The following KIRREL3 variants were observed in gnomAD, a reference collection of about 807,000 sequenced individuals.
KIRREL3 encodes kin of IRRE-like protein 3.
In KIRREL3, 36 loss-of-function variants were observed where a neutral mutation model predicts 89.7. The observed-to-expected ratio is 0.40, with a 90% CI of 0.31 to 0.53. KIRREL3 has a LOEUF of 0.53. KIRREL3 is among the 20% of genes least tolerant of loss of function. The probability of loss-of-function intolerance (pLI) is 0.49; values close to 1 mark genes in which losing one functional copy is unlikely to be tolerated. For missense variants in KIRREL3, 864 were observed against 1,056.6 expected, an observed-to-expected ratio of 0.82 and a Z score of 2.53; for synonymous variants, 445 against 441.4, an observed-to-expected ratio of 1.01 and a Z score of -0.10.
rs991435981 is a variant in KIRREL3 at position 126,484,246 on chromosome 11, C to A, written c.434-10780G>T. Among the ~76,000 whole-genome samples, 2 of 152,152 alleles carry A rather than the reference C, an allele frequency of 1.3e-5. No homozygotes were observed. Among genetic ancestry groups the A allele is most frequent in the Non-Finnish European group, 2.9e-5 (2 of 68,034 alleles). On this transcript the variant is annotated intron_variant, in intron 4 of 16. Transcript: ENST00000525144. This position sits in a 1 kb window ranked among gnomAD's most constrained non-coding sequence, Gnocchi z 5.2. ...TTGACTTGTGGACCTGTTTCAGGTTCCCTACAGTTGCAGGGTAGGAGTCCT... is the reference window on the plus strand; with the variant it reads ...TTGACTTGTGGACCTGTTTCAGGTTACCTACAGTTGCAGGGTAGGAGTCCT...
rs1957667503 is a variant in KIRREL3, at chr11:126,496,763, G to A, written c.434-23297C>T. ...GCGTGCGAACTCAAGGCCTGAGGCT[G>A]TAGGCAGGGAGTCAGGGCTGGGGAA... is the stretch of plus-strand genomic sequence containing the variant. On this transcript the variant is annotated intron_variant, in intron 4 of 16. Transcript: ENST00000525144. The surrounding 1 kb of genome is among the most constrained non-coding windows in gnomAD (Gnocchi z 4.9). 6.6e-6 allele frequency among the ~76,000 whole-genome samples: 1 copy of A among 152,162 alleles called. No individual in the cohort carries two copies. The highest frequency in any genetic ancestry group is 6.5e-5 in the Admixed American group (1 of 15,272).
Position 126,625,817 on chromosome 11 carries a change from C to T in KIRREL3, c.56-62905G>A, listed in dbSNP as rs532458898. On this transcript the variant is annotated intron_variant, in intron 1 of 16. Transcript: ENST00000525144. ...ATCCCATCCCAGGAAACCATCCCCA[C>T]GTCTCCAGGGTAGAGTTATGAGTGG... is the stretch of plus-strand genomic sequence containing the variant. 1.8e-4 allele frequency among the ~76,000 whole-genome samples: 27 copies of T among 152,352 alleles called. 1 individual carries two copies. The South Asian group carries it at 5.2e-3, about 29-fold the overall frequency.
rs1055182662 is a variant in KIRREL3, at chr11:126,423,720, C to A, written c.*860G>T. The A allele has an allele frequency of 4.6e-5, 7 of 152,276 alleles. No individual in the cohort carries two copies. The highest frequency in any genetic ancestry group is 1.7e-4 in the African/African-American group (7 of 41,552). The allele number at this position is 152,276 out of a possible 1,614,324, so 9.4% of individuals were successfully genotyped here. A position where few individuals can be genotyped will look rare whatever the true frequency, so the allele number is the denominator to read the frequency against. ...CCATAAGTGTTCAGAGAACCCTGAC[C>A]AGAGAAGCTCCCGCACTTCTTATAT... is the stretch of plus-strand genomic sequence containing the variant. On this transcript the variant is annotated 3_prime_UTR_variant, in exon 17 of 17. Coordinates refer to ENST00000525144, the MANE Select transcript of KIRREL3 (RefSeq NM_032531.4).
At chr11:126,552,965 C>T (rs2134543982) in intron 2 of KIRREL3, among the ~76,000 whole-genome samples, 1 of 152,258 alleles carries the variant, frequency 6.6e-6, no homozygotes, top group Non-Finnish European at 1.5e-5. Flanking sequence ...TATCTAGCAT[C>T]CTTCCCACAT....
At chr11:126,588,027 T>C (rs916856592) in intron 1 of KIRREL3, among the ~76,000 whole-genome samples, 15 of 152,104 alleles carry the variant, frequency 9.9e-5, no homozygotes, top group East Asian at 3.9e-4. Context: ...ATGAGGTAGA[T>C]TGGGGACAAG....
rs372820724 is a variant in KIRREL3, at chr11:126,677,311, A to T, written c.56-114399T>A. Among the ~76,000 whole-genome samples, 43 of 152,256 alleles carry T rather than the reference A, an allele frequency of 2.8e-4. 1 individual carries two copies. In the East Asian group the frequency reaches 7.5e-3, roughly 27 times the overall value. ...ATGGATTAATGAGGAGAGGCTATAGATTCCCCTATTCTGGACATTTCGTAT... is the reference window on the plus strand; with the variant it reads ...ATGGATTAATGAGGAGAGGCTATAGTTTCCCCTATTCTGGACATTTCGTAT... On this transcript the variant is annotated intron_variant, in intron 1 of 16. Transcript: ENST00000525144. This position sits in a 1 kb window ranked among gnomAD's most constrained non-coding sequence, Gnocchi z 5.1.
At chr11:126,785,847 C>A (rs1442918806) in intron 1 of KIRREL3, among the ~76,000 whole-genome samples, 2 of 133,742 alleles carry the variant, frequency 1.5e-5, no homozygotes, top group Non-Finnish European at 3.0e-5. Flanking sequence ...GCACTCCAGC[C>A]TGGTGACACA....
chr11:126,926,747 C>T (rs948116), intron 1 of KIRREL3, among the ~76,000 whole-genome samples: 1 of 152,162 alleles, frequency 6.6e-6, no homozygotes, highest in Non-Finnish European at 1.5e-5. Flanking sequence ...AGCATGGAAA[C>T]CTCTGACGTT....
rs190227063 is a variant in KIRREL3 at position 126,623,049 on chromosome 11, A to G, written c.56-60137T>C. Among the ~76,000 whole-genome samples, 4 of 152,304 alleles carry G rather than the reference A, an allele frequency of 2.6e-5. No homozygotes were observed. Among genetic ancestry groups the G allele is most frequent in the Non-Finnish European group, 5.9e-5 (4 of 68,024 alleles). ...CTAGACTCTTAATTACACTAATATG[A>G]TATTTACAATTTACAAAGCGTTATC... On this transcript the variant is annotated intron_variant, in intron 1 of 16. Coordinates refer to ENST00000525144, the MANE Select transcript of KIRREL3 (RefSeq NM_032531.4). The surrounding 1 kb of genome is among the most constrained non-coding windows in gnomAD (Gnocchi z 4.1).
rs1342065706 is a variant in KIRREL3 at position 126,744,286 on chromosome 11, A to G, written c.56-181374T>C. Among the ~76,000 whole-genome samples, 1 of 152,008 alleles carries G rather than the reference A, an allele frequency of 6.6e-6. No homozygotes were observed. The highest frequency in any genetic ancestry group is 2.4e-5 in the African/African-American group (1 of 41,378). On this transcript the variant is annotated intron_variant, in intron 1 of 16. Coordinates refer to ENST00000525144, the MANE Select transcript of KIRREL3 (RefSeq NM_032531.4). The surrounding 1 kb of genome is among the most constrained non-coding windows in gnomAD (Gnocchi z 4.7). ...AAAGCCTTTGATAAGCATTTGTTGA[A>G]TCAATGACTGAGATGTTGAGCAGGG... is the stretch of plus-strand genomic sequence containing the variant.
chr11:126,781,541 C>A (rs1047600048), intron 1 of KIRREL3, among the ~76,000 whole-genome samples: 1 of 152,170 alleles, frequency 6.6e-6, no homozygotes, highest in Non-Finnish European at 1.5e-5. Context: ...TTATCTGTGT[C>A]ATTAGAAAAT....
At position 126,579,470 on chromosome 11, in the gene KIRREL3, C is replaced by G. The variant is rs985061995; in HGVS notation, c.56-16558G>C. On this transcript the variant is annotated intron_variant, in intron 1 of 16. Transcript: ENST00000525144. This position sits in a 1 kb window ranked among gnomAD's most constrained non-coding sequence, Gnocchi z 5.3. ...TTTCTCTGCAGAGTGCTCAGTGTCC[C>G]CAGGAACCACTCTCTAATTTAACGA... is the stretch of plus-strand genomic sequence containing the variant. Among the ~76,000 whole-genome samples the G allele has an allele frequency of 3.3e-5, 5 of 152,132 alleles. No individual in the cohort carries two copies. Among genetic ancestry groups the G allele is most frequent in the African/African-American group, 1.2e-4 (5 of 41,424 alleles).
rs565614830 is a variant in KIRREL3, at chr11:126,553,847, T to C, written c.133+8988A>G. Among the ~76,000 whole-genome samples, 2 of 152,294 alleles carry C rather than the reference T, an allele frequency of 1.3e-5. No homozygotes were observed. Among genetic ancestry groups the C allele is most frequent in the Admixed American group, 6.5e-5 (1 of 15,298 alleles). On this transcript the variant is annotated intron_variant, in intron 2 of 16. Transcript: ENST00000525144. This position sits in a 1 kb window ranked among gnomAD's most constrained non-coding sequence, Gnocchi z 4.7. Reference sequence around the variant, plus strand: ...AGGCCTCTACCATTGTTCATTTTTTTCCATCACTATTAGGAAAACAGCATG... The same window carrying C: ...AGGCCTCTACCATTGTTCATTTTTTCCCATCACTATTAGGAAAACAGCATG...
chr11:126,528,925 C>A lies in KIRREL3; in HGVS notation c.134-2238G>T, dbSNP rs1413058662. Among the ~76,000 whole-genome samples the A allele has an allele frequency of 6.6e-6, 1 of 152,080 alleles. No individual in the cohort carries two copies. The highest frequency in any genetic ancestry group is 1.5e-5 in the Non-Finnish European group (1 of 68,022). On this transcript the variant is annotated intron_variant, in intron 2 of 16. Transcript: ENST00000525144. The surrounding 1 kb of genome is among the most constrained non-coding windows in gnomAD (Gnocchi z 4.6). ...CTCTAATGATGATTTCACAGCTCATCCTTTTATCTCAAAATCTTTCTTACA... is the reference window on the plus strand; with the variant it reads ...CTCTAATGATGATTTCACAGCTCATACTTTTATCTCAAAATCTTTCTTACA...
chr11:126,563,452 G>T lies in KIRREL3; in HGVS notation c.56-540C>A, dbSNP rs1940279105. 6.6e-6 allele frequency among the ~76,000 whole-genome samples: 1 copy of T among 152,184 alleles called. No homozygotes were observed. The highest frequency in any genetic ancestry group is 1.5e-5 in the Non-Finnish European group (1 of 68,034). ...TTTAGGGCAGCGGGGCGACACAGAG[G>T]TTAAGGTATAGGCAGAAGAGCTCTC... On this transcript the variant is annotated intron_variant, in intron 1 of 16. Coordinates refer to ENST00000525144, the MANE Select transcript of KIRREL3 (RefSeq NM_032531.4). The surrounding 1 kb of genome is among the most constrained non-coding windows in gnomAD (Gnocchi z 6.8).
intron 1 of KIRREL3, among the ~76,000 whole-genome samples, chr11:126,882,220 G>C (rs888983723): frequency 6.6e-6 from 1 of 152,164 alleles, no homozygotes. Flanking sequence ...CCAACCACTT[G>C]TTAAAGTGTA....
intron 1 of KIRREL3, among the ~76,000 whole-genome samples, chr11:126,799,557 G>A (rs1950965953): frequency 5.2e-5 from 1 of 19,336 alleles, no homozygotes; most frequent in Non-Finnish European, 1.2e-4. Flanking sequence ...TAAGAGCTTG[G>A]GGAAAGAAGG....
rs1939174961 is a variant in KIRREL3 at position 126,550,550 on chromosome 11, A to C, written c.133+12285T>G. On this transcript the variant is annotated intron_variant, in intron 2 of 16. Coordinates refer to ENST00000525144, the MANE Select transcript of KIRREL3 (RefSeq NM_032531.4). The surrounding 1 kb of genome is among the most constrained non-coding windows in gnomAD (Gnocchi z 4.9). ...GTAATCCCAGCTACTCAGGAGGCTG[A>C]GGCAGGAGAATCGCTTGAACGCGGG... 1 of 152,274 alleles carries C rather than the reference A, an allele frequency of 6.6e-6. No individual in the cohort carries two copies. The highest frequency in any genetic ancestry group is 6.5e-5 in the Admixed American group (1 of 15,282). The allele number at this position is 152,274 out of a possible 1,614,324, so 9.4% of individuals were successfully genotyped here.
At chr11:126,542,042 C>G (rs1029176016) in intron 2 of KIRREL3, among the ~76,000 whole-genome samples, 1 of 152,224 alleles carries the variant, frequency 6.6e-6, no homozygotes, top group African/African-American at 2.4e-5. Flanking sequence ...CTGTGCAATG[C>G]TCAAGGATTC....
Sources: gnomAD v4.1 joint callset for allele counts (sites outside exome capture counted in the v4.1 genomes callset) on GRCh38, gnomAD v4.1.1 for gene constraint, Gnocchi (gnomAD v3.1) non-coding constraint, MANE v1.5 for transcripts, NCBI Gene and HGNC (gene_info 2026-07-23, HGNC 2026-07-21) for gene names.